AP3D1: variants seen among roughly 807,000 people sequenced by gnomAD.
The protein encoded by AP3D1 is adaptor related protein complex 3 subunit delta 1, also known as AP-3 complex subunit delta-1.
Under a neutral mutation model 147.6 loss-of-function variants are expected in AP3D1, and 51 were observed. The ratio of observed to expected loss-of-function variants is 0.35; its 90% CI spans 0.28 to 0.44. AP3D1 has a LOEUF of 0.44. Ranked by LOEUF, AP3D1 falls within the 20% of genes least tolerant of loss-of-function variation. AP3D1 has a pLI of 1.00. For synonymous variants in AP3D1, 760 were observed against 663.0 expected (o/e 1.15, Z -2.25); for missense variants, 1,421 against 1,624.2 (o/e 0.87, Z 2.15).
intron 9 of AP3D1, 128 bp from the exon 10 acceptor site, chr19:2,124,007 G>A (rs945567558): frequency 4.6e-6 from 5 of 1,077,726 alleles, no homozygotes; most frequent in Non-Finnish European, 6.9e-6. Context: ...AAATGCCACT[G>A]AGTTTGGGAC....
At chr19:2,133,118 G>A (rs1042144058) in intron 4 of AP3D1, among the ~76,000 whole-genome samples, 6 of 152,182 alleles carry the variant, frequency 3.9e-5, no homozygotes, top group African/African-American at 1.4e-4. Context: ...TTGCAGAGAC[G>A]GCGGTGCTGG....
At chr19:2,111,153 G>A (rs918138610) in intron 26 of AP3D1, 132 bp downstream of exon 26, 7 of 1,208,994 alleles carry the variant, frequency 5.8e-6, no homozygotes, top group East Asian at 2.4e-5. Flanking sequence ...CCCAAGCAAC[G>A]CCCCTGCCAG....
intron 31 of AP3D1, among the ~76,000 whole-genome samples, chr19:2,105,857 A>G (rs1482768093): frequency 6.6e-6 from 1 of 152,150 alleles, no homozygotes; most frequent in African/African-American, 2.4e-5. Context: ...GCACTTTGGG[A>G]GTCTGAGGCA....
At chr19:2,128,230 C>A (rs1409597232) in intron 8 of AP3D1, among the ~76,000 whole-genome samples, 1 of 152,148 alleles carries the variant, frequency 6.6e-6, no homozygotes. Flanking sequence ...CCTGAAAAGG[C>A]TCCTAACATA....
rs763277675 is a variant in AP3D1 at position 2,112,968 on chromosome 19, C to T, written c.2680-1G>A. The T allele has an allele frequency of 1.2e-6, 2 of 1,607,196 alleles. No homozygotes were observed. Among genetic ancestry groups the T allele is most frequent in the Non-Finnish European group, 1.7e-6 (2 of 1,177,026 alleles). The stretch of plus-strand genomic sequence containing the variant: ...TGACAGTGTTCACACTGAGCTCCCC[C>T]TGCAGGGAGCCAGGGCTTGGGGCTC... On this transcript the variant is annotated splice_acceptor_variant, in intron 23 of 31. Transcript: ENST00000643116. LOFTEE classifies it high-confidence loss of function.
chr19:2,150,777 C>T (rs570117412), intron 1 of AP3D1, among the ~76,000 whole-genome samples: 1 of 152,154 alleles, frequency 6.6e-6, no homozygotes, highest in African/African-American at 2.4e-5. Flanking sequence ...GGGCGGGGCC[C>T]GGGCCCCTGC....
At chr19:2,127,673 C>T (rs531612650) in intron 8 of AP3D1, among the ~76,000 whole-genome samples, 1 of 152,310 alleles carries the variant, frequency 6.6e-6, no homozygotes, top group South Asian at 2.1e-4. Flanking sequence ...TGCAAGCGTG[C>T]ACCACCACGC....
chr19:2,110,335 A>C, intron 27 of AP3D1, 111 bp from the exon 28 acceptor site: 1 of 923,322 alleles, frequency 1.1e-6, no homozygotes, highest in Non-Finnish European at 1.7e-6. Flanking sequence ...TAGGAAACTG[A>C]GCTCAGCCCC....
chr19:2,161,442 G>A (rs565630885), intron 1 of AP3D1, among the ~76,000 whole-genome samples: 2 of 151,942 alleles, frequency 1.3e-5, no homozygotes, highest in African/African-American at 2.4e-5. Flanking sequence ...GATTACAGGC[G>A]TGAGTCACCG....
chr19:2,126,547 G>T (rs1461023110), intron 9 of AP3D1, among the ~76,000 whole-genome samples: 2 of 151,636 alleles, frequency 1.3e-5, no homozygotes, highest in African/African-American at 4.9e-5. Flanking sequence ...CCTGCTACTC[G>T]GGAGGCTGAG....
At chr19:2,143,230 ATTTTTTTTT>A (rs776434810) in intron 1 of AP3D1, among the ~76,000 whole-genome samples, 8 of 74,310 alleles carry the variant, frequency 1.1e-4, no homozygotes, top group African/African-American at 3.5e-4. Context: ...TGCCTGCCTA[ATTTTTTTTT>A]TTTTTTTTTT....
upstream of AP3D1, chr19:2,164,471 G>C: frequency 3.0e-6 from 1 of 338,704 alleles, no homozygotes; most frequent in Non-Finnish European, 5.3e-6. Flanking sequence ...CGCGCGCCTG[G>C]GGTGGGAGCG....
chr19:2,114,704 C>A (rs371986538), intron 21 of AP3D1, 44 bp downstream of exon 21: 8 of 1,521,264 alleles, frequency 5.3e-6, no homozygotes, highest in Non-Finnish European at 7.2e-6. Context: ...AGGGAAGCAA[C>A]CACATGTGGC....
chr19:2,163,640 C>T (rs1050749793), intron 1 of AP3D1, among the ~76,000 whole-genome samples: 3 of 152,102 alleles, frequency 2.0e-5, no homozygotes, highest in African/African-American at 7.2e-5. Context: ...TGTCCGGCGT[C>T]CTCCTCCTGG....
intron 31 of AP3D1, among the ~76,000 whole-genome samples, chr19:2,104,646 A>G (rs567911919): frequency 1.3e-5 from 2 of 150,520 alleles, no homozygotes; most frequent in East Asian, 3.9e-4. Context: ...GTGGACGGAC[A>G]CTAGGACTCT....
intron 1 of AP3D1, among the ~76,000 whole-genome samples, chr19:2,162,539 T>C (rs1439560841): frequency 6.6e-6 from 1 of 151,310 alleles, no homozygotes; most frequent in Non-Finnish European, 1.5e-5. Context: ...CTCGTGCCTG[T>C]AGTCCCAGCT....
At chr19:2,150,484 C>T (rs892935858) in intron 1 of AP3D1, among the ~76,000 whole-genome samples, 1 of 152,234 alleles carries the variant, frequency 6.6e-6, no homozygotes, top group African/African-American at 2.4e-5. Context: ...ATTTCCTCGC[C>T]CTGGCTTTCA....
rs983275660 is a variant in AP3D1, at chr19:2,116,223, G to A, written c.2057C>T (p.Ser686Leu). The A allele has an allele frequency of 6.8e-6, 11 of 1,614,062 alleles. No individual in the cohort carries two copies. Among genetic ancestry groups the A allele is most frequent in the Middle Eastern group, 1.6e-4 (1 of 6,076 alleles). ...GGGCCTCACCTTCTGTGGCGATGGC[G>A]AGCTCTTGATGTAGAAGGGGTTGTT... ...QANNPFYIKS[S>L]PSPQKRYQDT... Residue 686 changes from serine to leucine, a missense_variant, in exon 18 of 32, where the codon TCG becomes TTG. Physicochemically the swap from Ser to Leu is moderately radical, Grantham distance 145. Coordinates refer to ENST00000643116, the MANE Select transcript of AP3D1 (RefSeq NM_001261826.3).
At chr19:2,164,177 G>T in intron 1 of AP3D1, 3 of 1,190,084 alleles carry the variant, frequency 2.5e-6, no homozygotes, top group Non-Finnish European at 3.1e-6. Context: ...GCGGCCGCGC[G>T]CGCGGACATG....
Sources: allele counts gnomAD v4.1 joint callset (sites outside exome capture counted in the v4.1 genomes callset), GRCh38; gene constraint gnomAD v4.1.1; transcripts MANE v1.5; gene names NCBI Gene and HGNC (gene_info 2026-07-23, HGNC 2026-07-21).